Variants in EPHA3 observed in about 807,000 individuals in gnomAD.
EPHA3 encodes ephrin type-A receptor 3.
Under a neutral mutation model 107.1 loss-of-function variants are expected in EPHA3, and 42 were observed. That is an observed-to-expected ratio of 0.39 (90% CI 0.31 to 0.51). EPHA3 has a LOEUF of 0.51. Among genes scored for constraint, EPHA3 ranks in the 20% least tolerant of loss-of-function variants. The probability of loss-of-function intolerance (pLI) is 0.78; values close to 1 mark genes in which losing one functional copy is unlikely to be tolerated. For missense variants in EPHA3, 1,183 were observed against 1,211.2 expected, an observed-to-expected ratio of 0.98 and a Z score of 0.35; for synonymous variants, 461 against 424.8, an observed-to-expected ratio of 1.09 and a Z score of -1.05.
At chr3:89,475,336 G>C (rs982871983) in intron 16 of EPHA3, among the ~76,000 whole-genome samples, 1 of 152,056 alleles carries the variant, frequency 6.6e-6, no homozygotes, top group Non-Finnish European at 1.5e-5. Flanking sequence ...GAAATGATTT[G>C]CTCGACCAAA....
At chr3:89,128,998 G>C (rs1314377533) in intron 2 of EPHA3, among the ~76,000 whole-genome samples, 1 of 152,004 alleles carries the variant, frequency 6.6e-6, no homozygotes, top group Non-Finnish European at 1.5e-5. Context: ...TGTGGCACAG[G>C]GACAAACCAG....
intron 5 of EPHA3, among the ~76,000 whole-genome samples, chr3:89,355,743 C>T (rs891575471): frequency 6.7e-5 from 10 of 150,014 alleles, no homozygotes; most frequent in African/African-American, 2.2e-4. Context: ...GCTCTGTCTC[C>T]ATAATGATCA....
At chr3:89,122,738 C>G (rs1473113378) in intron 1 of EPHA3, among the ~76,000 whole-genome samples, 1 of 152,132 alleles carries the variant, frequency 6.6e-6, no homozygotes, top group African/African-American at 2.4e-5. Context: ...ATCAAAACTC[C>G]AGAAACTTGT....
intron 2 of EPHA3, among the ~76,000 whole-genome samples, chr3:89,206,443 G>T (rs187264888): frequency 6.6e-6 from 1 of 152,228 alleles, no homozygotes; most frequent in Non-Finnish European, 1.5e-5. Flanking sequence ...CTTGACTTAA[G>T]AAATTTAAAG....
At chr3:89,162,094 T>G (rs1345798950) in intron 2 of EPHA3, among the ~76,000 whole-genome samples, 2 of 151,876 alleles carry the variant, frequency 1.3e-5, no homozygotes, top group African/African-American at 4.8e-5. Context: ...AAGTAAGAGA[T>G]TTACACAGGA....
chr3:89,407,781 T>TA (rs935920132), intron 8 of EPHA3, among the ~76,000 whole-genome samples: 1 of 152,186 alleles, frequency 6.6e-6, no homozygotes, highest in African/African-American at 2.4e-5. Flanking sequence ...CAGAAGTTGT[T>TA]AAAAAATACT....
intron 2 of EPHA3, among the ~76,000 whole-genome samples, chr3:89,164,355 C>G (rs561246233): frequency 6.6e-6 from 1 of 152,224 alleles, no homozygotes; most frequent in African/African-American, 2.4e-5. Context: ...GGGCCGCATG[C>G]GGCCCACTGG....
chr3:89,281,184 CGGCT>C (rs1212000072), intron 3 of EPHA3, among the ~76,000 whole-genome samples: 1 of 152,026 alleles, frequency 6.6e-6, no homozygotes, highest in African/African-American at 2.4e-5. Context: ...CCGCCACGCC[CGGCT>C]AATTTCTTTT....
chr3:89,302,647 T>A (rs542819172), intron 3 of EPHA3, among the ~76,000 whole-genome samples: 1 of 152,296 alleles, frequency 6.6e-6, no homozygotes, highest in East Asian at 1.9e-4. Flanking sequence ...TCTCTCCACA[T>A]GTTTTAAGAT....
Position 89,399,589 on chromosome 3 carries a change from A to C in EPHA3, c.1594+109A>C, listed in dbSNP as rs544759477. ...GTTTTAAACAAATGTGATACATTTA[A>C]GGTATATTGCTTGGGACATTGCAAT... On this transcript the variant is annotated intron_variant, in intron 7 of 16. Transcript: ENST00000336596. The C allele has an allele frequency of 1.0e-5, 15 of 1,494,178 alleles. No homozygotes were observed. In the African/African-American group the frequency reaches 1.9e-4, roughly 19 times the overall value. 92.6% of individuals were successfully genotyped at this position (1,494,178 alleles called of 1,614,324 possible). A position where few individuals can be genotyped will look rare whatever the true frequency, so the allele number is the denominator to read the frequency against.
At chr3:89,342,130 C>T (rs201174169) in intron 5 of EPHA3, 40 bp downstream of exon 5, 22 of 1,523,066 alleles carry the variant, frequency 1.4e-5, no homozygotes, top group African/African-American at 9.8e-5. Flanking sequence ...TATCATATCA[C>T]GTCTGAGTAA....
At chr3:89,183,391 C>T (rs1475225727) in intron 2 of EPHA3, among the ~76,000 whole-genome samples, 1 of 151,816 alleles carries the variant, frequency 6.6e-6, no homozygotes, top group Non-Finnish European at 1.5e-5. Context: ...AAGATTTGGT[C>T]TTTTCTCATG....
At chr3:89,414,068 A>G (rs1317845927) in intron 10 of EPHA3, among the ~76,000 whole-genome samples, 1 of 151,698 alleles carries the variant, frequency 6.6e-6, no homozygotes, top group African/African-American at 2.4e-5. Context: ...CAAAGCAAAC[A>G]TAAACTAGTT....
At chr3:89,301,322 A>G (rs192702347) in intron 3 of EPHA3, among the ~76,000 whole-genome samples, 2 of 152,076 alleles carry the variant, frequency 1.3e-5, no homozygotes, top group South Asian at 2.1e-4. Context: ...GGATTTATAT[A>G]TAATGGGAAA....
At position 89,413,067 on chromosome 3, in the gene EPHA3, T is replaced by TTTAA. The variant is rs1321459377; in HGVS notation, c.1763-74_1763-73insTTAA. 10 of 1,588,384 alleles carry TTTAA rather than the reference T, an allele frequency of 6.3e-6. No individual in the cohort carries two copies. The African/African-American group carries it at 1.4e-4, about 21-fold the overall frequency. On this transcript the variant is annotated intron_variant, in intron 9 of 16. Transcript: ENST00000336596. ...GGTAGGGATTTTTTTAAACCAATAATGCCATAAAATTTGATCTATAATTGT... is the reference window on the plus strand; with the variant it reads ...GGTAGGGATTTTTTTAAACCAATAATTTAAGCCATAAAATTTGATCTATAATTGT...
At chr3:89,147,506 A>C (rs1406998282) in intron 2 of EPHA3, among the ~76,000 whole-genome samples, 1 of 151,918 alleles carries the variant, frequency 6.6e-6, no homozygotes, top group African/African-American at 2.4e-5. Context: ...GGCACCTCAC[A>C]CTGCAAAAGT....
intron 7 of EPHA3, among the ~76,000 whole-genome samples, chr3:89,401,314 C>T (rs7636790): frequency 0.031 from 4,765 of 152,222 alleles, 265 homozygotes; most frequent in African/African-American, 0.11. Context: ...CAATTCTACT[C>T]AAAGGAGAGC....
At chr3:89,474,981 T>C (rs1189677238) in intron 16 of EPHA3, among the ~76,000 whole-genome samples, 1 of 152,164 alleles carries the variant, frequency 6.6e-6, no homozygotes, top group African/African-American at 2.4e-5. Flanking sequence ...ATGTCCATAT[T>C]GCACTCCCCA....
In EPHA3 at chr3:89,479,718, C is replaced by T. The variant is rs529331703; in HGVS notation, c.*216C>T. On this transcript the variant is annotated 3_prime_UTR_variant, in exon 17 of 17. Coordinates refer to ENST00000336596, the MANE Select transcript of EPHA3 (RefSeq NM_005233.6). ...TGGGTGGGGTATTTTTTTGTAATTG[C>T]TTTTTTAAATATTAGTTAATGGATT... The T allele has an allele frequency of 4.8e-5, 23 of 474,668 alleles. No individual in the cohort carries two copies. Among genetic ancestry groups the T allele is most frequent in the African/African-American group, 2.9e-4 (15 of 51,558 alleles). The allele number at this position is 474,668 out of a possible 1,614,324, so 29.4% of individuals were successfully genotyped here. A position where few individuals can be genotyped will look rare whatever the true frequency, so the allele number is the denominator to read the frequency against.
Sources: gnomAD v4.1 joint callset for allele counts (sites outside exome capture counted in the v4.1 genomes callset) on GRCh38, gnomAD v4.1.1 for gene constraint, MANE v1.5 for transcripts, NCBI Gene and HGNC (gene_info 2026-07-23, HGNC 2026-07-21) for gene names.